PTPRN2: variants seen among roughly 807,000 people sequenced by gnomAD.
PTPRN2 encodes the protein protein tyrosine phosphatase receptor type N2.
PTPRN2 carries 74 observed loss-of-function variants against 118.8 expected under a neutral mutation model. The ratio of observed to expected loss-of-function variants is 0.62; its 90% CI spans 0.52 to 0.76. PTPRN2 has a LOEUF of 0.76. Ranked by LOEUF, PTPRN2 falls within the 30% of genes least tolerant of loss-of-function variation. PTPRN2 has a pLI of 0.00. For synonymous variants in PTPRN2, 641 were observed against 608.0 expected (o/e 1.05, Z -0.80); for missense variants, 1,481 against 1,394.4 (o/e 1.06, Z -0.99).
intron 11 of PTPRN2, among the ~76,000 whole-genome samples, chr7:158,006,635 C>T (rs933011268): frequency 2.0e-5 from 3 of 152,202 alleles, no homozygotes; most frequent in Admixed American, 2.0e-4. Context: ...TAAGGGCCAT[C>T]CCACCCCTAT....
intron 11 of PTPRN2, among the ~76,000 whole-genome samples, chr7:157,991,988 C>T (rs763568071): frequency 1.3e-5 from 2 of 152,210 alleles, no homozygotes; most frequent in African/African-American, 2.4e-5. Flanking sequence ...ACAGGCACAG[C>T]CCAGACATGC....
rs1802257742 is a variant in PTPRN2, at chr7:157,763,309, C to CTT, written c.1789-80374_1789-80373dup. On this transcript the variant is annotated intron_variant, in intron 12 of 22. Transcript: ENST00000389418. This position sits in a 1 kb window ranked among gnomAD's most constrained non-coding sequence, Gnocchi z 4.9. The stretch of plus-strand genomic sequence containing the variant: ...CCCTCCTCATTTTTCTCTCCCTTCC[C>CTT]TTTTCCAACAAAAGCTCAGCCCTGG... Among the ~76,000 whole-genome samples, 2 of 152,320 alleles carry CTT rather than the reference C, an allele frequency of 1.3e-5. No individual in the cohort carries two copies. The highest frequency in any genetic ancestry group is 4.1e-4 in the South Asian group (2 of 4,826).
intron 3 of PTPRN2, among the ~76,000 whole-genome samples, chr7:158,253,426 G>A (rs1406434002): frequency 6.6e-6 from 1 of 152,224 alleles, no homozygotes; most frequent in African/African-American, 2.4e-5. Flanking sequence ...GTAGAAAGGA[G>A]GAAGCACTCA....
At chr7:157,581,354 CT>C (rs1800375581) in intron 17 of PTPRN2, among the ~76,000 whole-genome samples, 1 of 152,262 alleles carries the variant, frequency 6.6e-6, no homozygotes, top group Non-Finnish European at 1.5e-5. Flanking sequence ...CAGCATCCCC[CT>C]TGAAGGCTCT....
intron 3 of PTPRN2, among the ~76,000 whole-genome samples, chr7:158,307,030 C>T (rs1235440821): frequency 6.6e-6 from 1 of 152,048 alleles, no homozygotes; most frequent in African/African-American, 2.4e-5. Flanking sequence ...CCATGCCCAG[C>T]TAATTTTTGT....
At position 158,336,736 on chromosome 7, in the gene PTPRN2, C is replaced by T. The variant is rs372809607; in HGVS notation, c.164-19804G>A. Reference sequence around the variant, plus strand: ...CACTCTCACCAAAAGAGCTGACGCCCGCAGACGTCACTCACACCCACAGTC... The same window carrying T: ...CACTCTCACCAAAAGAGCTGACGCCTGCAGACGTCACTCACACCCACAGTC... On this transcript the variant is annotated intron_variant, in intron 2 of 22. Coordinates refer to ENST00000389418, the MANE Select transcript of PTPRN2 (RefSeq NM_002847.5). Among the ~76,000 whole-genome samples, 137 of 94,802 alleles carry T rather than the reference C, an allele frequency of 1.4e-3. 2 individuals carry two copies. The highest frequency in any genetic ancestry group is 2.1e-3 in the Non-Finnish European group (90 of 42,342). 62.2% of individuals were successfully genotyped at this position (94,802 alleles called of 152,430 possible).
rs1047211564 is a variant in PTPRN2, at chr7:157,929,063, G to A, written c.1724-30326C>T. ...TTTAGAGGCAGGAGAGTGGGGTCCC[G>A]GGGTGCCAGGTGTCTTGCTGAAGGT... is the stretch of plus-strand genomic sequence containing the variant. On this transcript the variant is annotated intron_variant, in intron 11 of 22. Coordinates refer to ENST00000389418, the MANE Select transcript of PTPRN2 (RefSeq NM_002847.5). The surrounding 1 kb of genome is among the most constrained non-coding windows in gnomAD (Gnocchi z 4.4). Among the ~76,000 whole-genome samples the A allele has an allele frequency of 3.3e-5, 5 of 152,160 alleles. No individual in the cohort carries two copies. The highest frequency in any genetic ancestry group is 2.0e-4 in the Admixed American group (3 of 15,284).
chr7:157,818,852 CAGG>C (rs1384502534), intron 12 of PTPRN2, among the ~76,000 whole-genome samples: 2 of 152,108 alleles, frequency 1.3e-5, no homozygotes, highest in African/African-American at 2.4e-5. Flanking sequence ...CAGCCACAAA[CAGG>C]AGAAGCTGGC....
chr7:158,044,350 G>A (rs528591346), intron 11 of PTPRN2, among the ~76,000 whole-genome samples: 141 of 152,308 alleles, frequency 9.3e-4, no homozygotes, highest in African/African-American at 3.3e-3. Context: ...CCTCACTGCT[G>A]CTGAATCTGT....
chr7:158,282,936 G>A (rs1041097201), intron 3 of PTPRN2, among the ~76,000 whole-genome samples: 2 of 148,438 alleles, frequency 1.3e-5, no homozygotes, highest in African/African-American at 2.5e-5. Context: ...TATAGACGGT[G>A]GTCCCTCCTC....
rs184632264 is a variant in PTPRN2 at position 158,501,542 on chromosome 7, C to G, written c.113-11757G>C. ...CTTCTTGTGAATCTTCCAACCCTGT[C>G]CCCAGTCTGGGAGGCAGATCCAAGA... is the stretch of plus-strand genomic sequence containing the variant. On this transcript the variant is annotated intron_variant, in intron 1 of 22. Coordinates refer to ENST00000389418, the MANE Select transcript of PTPRN2 (RefSeq NM_002847.5). 2.2e-4 allele frequency among the ~76,000 whole-genome samples: 33 copies of G among 152,310 alleles called. No individual in the cohort carries two copies. The East Asian group carries it at 5.4e-3, about 25-fold the overall frequency.
chr7:158,164,863 C>G (rs549802432), intron 6 of PTPRN2, among the ~76,000 whole-genome samples: 1 of 152,272 alleles, frequency 6.6e-6, no homozygotes, highest in South Asian at 2.1e-4. Flanking sequence ...AGATGAGAAG[C>G]TGAAGGTCAC....
chr7:158,463,617 ATTG>A (rs1032769900), intron 2 of PTPRN2, among the ~76,000 whole-genome samples: 31 of 134,184 alleles, frequency 2.3e-4, no homozygotes, highest in African/African-American at 6.0e-4. Context: ...TATCACCATC[ATTG>A]TTATCATCAA....
At chr7:157,898,882 C>T in intron 11 of PTPRN2, 145 bp from the exon 12 acceptor site, 1 of 743,444 alleles carries the variant, frequency 1.3e-6, no homozygotes, top group Non-Finnish European at 2.3e-6. Flanking sequence ...TGAACAGGCA[C>T]AGAATTAGAA....
At chr7:158,144,300 G>A (rs10257376) in intron 6 of PTPRN2, among the ~76,000 whole-genome samples, 1 of 152,182 alleles carries the variant, frequency 6.6e-6, no homozygotes, top group East Asian at 1.9e-4. Flanking sequence ...ATTCAATTCA[G>A]AGTGGCTACA....
intron 11 of PTPRN2, among the ~76,000 whole-genome samples, chr7:157,899,249 C>T (rs996239407): frequency 5.9e-5 from 9 of 152,188 alleles, no homozygotes; most frequent in African/African-American, 1.4e-4. Flanking sequence ...ATAATAATTT[C>T]GCTCCAATAA....
rs375622614 is a variant in PTPRN2, at chr7:158,357,792, G to A, written c.164-40860C>T. Among the ~76,000 whole-genome samples, 30 of 152,326 alleles carry A rather than the reference G, an allele frequency of 2.0e-4. 1 individual carries two copies. In the South Asian group the frequency reaches 6.0e-3, roughly 30 times the overall value. ...GCAGGAAGCTCACAAGGCAGGAGGC[G>A]CATTGCGTCCAGCAGGGGTGTCCCA... On this transcript the variant is annotated intron_variant, in intron 2 of 22. Coordinates refer to ENST00000389418, the MANE Select transcript of PTPRN2 (RefSeq NM_002847.5).
In PTPRN2 at chr7:158,572,468, C is replaced by T. The variant is rs552037295; in HGVS notation, c.112+15090G>A. 1.3e-3 allele frequency among the ~76,000 whole-genome samples: 195 copies of T among 152,258 alleles called. 2 individuals carry two copies. Among genetic ancestry groups the T allele is most frequent in the African/African-American group, 4.4e-3 (183 of 41,548 alleles). ...GGGCACTGAGCCAGCTCTGTGCCTACGAAGACAGCTGTCTGCTGAACCCTT... is the reference window on the plus strand; with the variant it reads ...GGGCACTGAGCCAGCTCTGTGCCTATGAAGACAGCTGTCTGCTGAACCCTT... On this transcript the variant is annotated intron_variant, in intron 1 of 22. Coordinates refer to ENST00000389418, the MANE Select transcript of PTPRN2 (RefSeq NM_002847.5).
intron 6 of PTPRN2, 38 bp downstream of exon 6, chr7:158,166,889 GGACA>G (rs1433324119): frequency 7.0e-7 from 1 of 1,420,614 alleles, no homozygotes; most frequent in Admixed American, 3.0e-5. Context: ...GCTGGACAGA[GGACA>G]GTCAGCAAAC....
Sources: gnomAD v4.1 joint callset for allele counts (sites outside exome capture counted in the v4.1 genomes callset) on GRCh38, gnomAD v4.1.1 for gene constraint, Gnocchi (gnomAD v3.1) non-coding constraint, MANE v1.5 for transcripts, NCBI Gene and HGNC (gene_info 2026-07-23, HGNC 2026-07-21) for gene names.